The following EVI5 variants were observed in gnomAD, a reference collection of about 807,000 sequenced individuals.
The protein encoded by EVI5 is ecotropic viral integration site 5.
A neutral mutation model predicts 112.0 loss-of-function variants in EVI5; 73 were observed. That is an observed-to-expected ratio of 0.65 (90% CI 0.54 to 0.79). EVI5 has a LOEUF of 0.79. Among genes scored for constraint, EVI5 ranks in the 30% least tolerant of loss-of-function variants. The pLI is 0.00. For missense variants in EVI5, 900 were observed against 968.8 expected (o/e 0.93, Z 0.94); for synonymous variants, 305 against 319.9 (o/e 0.95, Z 0.50).
chr1:92,660,732 C>T (rs186739508), intron 13 of EVI5, among the ~76,000 whole-genome samples: 1 of 151,964 alleles, frequency 6.6e-6, no homozygotes, highest in African/African-American at 2.4e-5. Flanking sequence ...AGTCACATAC[C>T]TTACAATTCT....
chr1:92,705,706 G>C (rs1671855917), intron 2 of EVI5, among the ~76,000 whole-genome samples: 1 of 152,178 alleles, frequency 6.6e-6, no homozygotes, highest in Non-Finnish European at 1.5e-5. Context: ...ATTTATAAAA[G>C]GAAGGTGGAA....
intron 16 of EVI5, among the ~76,000 whole-genome samples, chr1:92,614,840 TTATATATATA>T (rs561640520): frequency 4.8e-4 from 6 of 12,608 alleles, no homozygotes; most frequent in South Asian, 6.3e-3. Flanking sequence ...ATGTTATATT[TTATATATATA>T]TATATATATA....
intron 13 of EVI5, among the ~76,000 whole-genome samples, chr1:92,660,871 A>G (rs2102156927): frequency 6.6e-6 from 1 of 152,132 alleles, no homozygotes; most frequent in East Asian, 1.9e-4. Context: ...GTAGTGTTTC[A>G]TAACTACATA....
In EVI5 at chr1:92,512,482, T is replaced by TTTA. The variant is rs1279001375; in HGVS notation, c.*1173_*1174insTAA. 6.6e-6 allele frequency: 1 copy of TTTA among 152,250 alleles called. No individual in the cohort carries two copies. Among genetic ancestry groups the TTTA allele is most frequent in the East Asian group, 1.9e-4 (1 of 5,206 alleles). The allele number at this position is 152,250 out of a possible 1,614,324, so 9.4% of individuals were successfully genotyped here. ...AATACTAAAGCTCTTAAAACATTAG[T>TTTA]GTTTTATTTTTAACTTTTAACCTAT... On this transcript the variant is annotated 3_prime_UTR_variant, in exon 20 of 20. Coordinates refer to ENST00000684568, the MANE Select transcript of EVI5 (RefSeq NM_001350197.2).
At chr1:92,590,424 G>C (rs981603397) in intron 18 of EVI5, among the ~76,000 whole-genome samples, 2 of 152,184 alleles carry the variant, frequency 1.3e-5, no homozygotes, top group East Asian at 1.9e-4. Context: ...GCTTAAAGGA[G>C]CTGATGGAGC....
rs199805441 is a variant in EVI5, at chr1:92,607,570, G to C, written c.1974+11C>G. ...TGACAAAAAACAAAATCAGTTAGTT[G>C]ACATATTTACCTTGCATTCAATCTC... On this transcript the variant is annotated intron_variant, in intron 17 of 19. Transcript: ENST00000684568. 243 of 1,538,610 alleles carry C rather than the reference G, an allele frequency of 1.6e-4. No individual in the cohort carries two copies. Among genetic ancestry groups the C allele is most frequent in the Non-Finnish European group, 5.6e-5 (64 of 1,148,456 alleles).
At chr1:92,561,635 AT>A (rs1668632598) in intron 19 of EVI5, among the ~76,000 whole-genome samples, 4 of 147,050 alleles carry the variant, frequency 2.7e-5, no homozygotes. Flanking sequence ...CTATCTATCT[AT>A]CTATCTATCT....
intron 13 of EVI5, among the ~76,000 whole-genome samples, chr1:92,641,991 T>TGTACCTGTAGTCCC: frequency 6.6e-6 from 1 of 152,012 alleles, no homozygotes; most frequent in African/African-American, 2.4e-5. Flanking sequence ...TACAAAAAAT[T>TGTACCTGTAGTCCC]AGCCAGGCAT....
intron 19 of EVI5, among the ~76,000 whole-genome samples, chr1:92,521,416 T>C (rs1660905314): frequency 6.6e-6 from 1 of 152,010 alleles, no homozygotes; most frequent in Non-Finnish European, 1.5e-5. Context: ...AACAGCTGGG[T>C]GTTGTGGCTC....
intron 19 of EVI5, among the ~76,000 whole-genome samples, chr1:92,544,818 C>T (rs535356658): frequency 2.0e-5 from 3 of 152,204 alleles, no homozygotes; most frequent in South Asian, 2.1e-4. Flanking sequence ...TGCTCACAGG[C>T]TGCTCAGTCA....
intron 1 of EVI5, among the ~76,000 whole-genome samples, chr1:92,783,858 G>A: frequency 6.6e-6 from 1 of 150,902 alleles, no homozygotes; most frequent in East Asian, 1.9e-4. Context: ...AGAGCTTCTG[G>A]TACACTGGTG....
At chr1:92,686,915 C>T (rs1341822219) in intron 9 of EVI5, among the ~76,000 whole-genome samples, 1 of 152,172 alleles carries the variant, frequency 6.6e-6, no homozygotes, top group Non-Finnish European at 1.5e-5. Context: ...GAAGAACATT[C>T]CATGCTCATG....
chr1:92,712,664 G>A (rs1673022205), intron 2 of EVI5, among the ~76,000 whole-genome samples: 2 of 151,958 alleles, frequency 1.3e-5, no homozygotes, highest in African/African-American at 4.8e-5. Flanking sequence ...AAGATCTACA[G>A]ACCTTTCCTA....
At chr1:92,766,663 T>C (rs1191079301) in intron 1 of EVI5, among the ~76,000 whole-genome samples, 3 of 152,258 alleles carry the variant, frequency 2.0e-5, no homozygotes, top group African/African-American at 7.2e-5. Context: ...CTAGCCATTT[T>C]AGTTACTTTA....
chr1:92,776,075 T>C (rs146298568), intron 1 of EVI5, among the ~76,000 whole-genome samples: 2,178 of 144,090 alleles, frequency 0.015, 64 homozygotes, highest in African/African-American at 0.053. Flanking sequence ...GCCACTGCAC[T>C]CCAGCCTGGG....
At chr1:92,790,058 T>C (rs886849315), upstream of EVI5, among the ~76,000 whole-genome samples, 2 of 152,158 alleles carry the variant, frequency 1.3e-5, no homozygotes, top group Non-Finnish European at 2.9e-5. Context: ...ATGCCTGTAA[T>C]CCCAGCACTT....
chr1:92,680,359 G>A (rs937968277), intron 9 of EVI5, among the ~76,000 whole-genome samples: 3 of 152,166 alleles, frequency 2.0e-5, no homozygotes, highest in African/African-American at 4.8e-5. Context: ...AAGCACCCAG[G>A]TTGCAAGGGT....
chr1:92,735,761 G>T (rs1677302051), intron 2 of EVI5, among the ~76,000 whole-genome samples: 1 of 138,518 alleles, frequency 7.2e-6, no homozygotes, highest in Admixed American at 7.4e-5. Context: ...AATATAATAT[G>T]ATATATGTTA....
chr1:92,717,362 A>G (rs889267351), intron 2 of EVI5, among the ~76,000 whole-genome samples: 96 of 152,220 alleles, frequency 6.3e-4, no homozygotes, highest in Non-Finnish European at 1.2e-3. Flanking sequence ...GAAACTCTAC[A>G]AGCCAGAAGA....
Sources: allele counts gnomAD v4.1 joint callset (sites outside exome capture counted in the v4.1 genomes callset), GRCh38; gene constraint gnomAD v4.1.1; transcripts MANE v1.5; gene names NCBI Gene and HGNC (gene_info 2026-07-23, HGNC 2026-07-21).